CSTF3: variants seen among roughly 807,000 people sequenced by gnomAD.
CSTF3 encodes the protein cleavage stimulation factor subunit 3.
CSTF3 carries 29 observed loss-of-function variants against 105.8 expected under a neutral mutation model. That is an observed-to-expected ratio of 0.27 (90% CI 0.20 to 0.37). CSTF3 has a LOEUF of 0.37. Ranked by LOEUF, CSTF3 falls within the 10% of genes least tolerant of loss-of-function variation. The probability of loss-of-function intolerance (pLI) is 1.00; values close to 1 mark genes in which losing one functional copy is unlikely to be tolerated. For missense variants in CSTF3, 357 were observed against 879.3 expected (o/e 0.41, Z 7.51); for synonymous variants, 252 against 281.9 (o/e 0.89, Z 1.06).
chr11:33,156,398 C>T (rs528126328), intron 1 of CSTF3, among the ~76,000 whole-genome samples: 2 of 152,294 alleles, frequency 1.3e-5, no homozygotes, highest in East Asian at 1.9e-4. Context: ...GTTTACCTAA[C>T]GAAATAAACC....
At chr11:33,141,808 G>A in intron 2 of CSTF3, 46 bp from the exon 3 acceptor site, 6 of 1,575,466 alleles carry the variant, frequency 3.8e-6, no homozygotes, top group Non-Finnish European at 5.1e-6. Flanking sequence ...TTAGGATTAT[G>A]AAAATATTAT....
intron 3 of CSTF3, chr11:33,141,222 T>C (rs1287223780): frequency 1.3e-5 from 2 of 158,942 alleles, no homozygotes; most frequent in Non-Finnish European, 2.7e-5. Context: ...AAAATTAAAA[T>C]GTGAAGTAAT....
Position 33,103,117 on chromosome 11 carries a change from C to T in CSTF3, c.653G>A (p.Arg218His), listed in dbSNP as rs1855295364. ...GATGGAATTCCATACCTTTGCTACA[C>T]GTCTAGCATTCATATAATCTCTACT... ...DRSRDYMNAR[R>H]VAKEYETVMK... Residue 218 changes from arginine (R) to histidine (H), a missense_variant, in exon 9 of 21, where the codon CGT becomes CAT. This residue lies in a region of CSTF3 where 206 missense variants were observed against 576.5 expected (regional missense o/e 0.36). Transcript: ENST00000323959. 1.9e-6 allele frequency: 3 copies of T among 1,565,374 alleles called. No individual in the cohort carries two copies. Among genetic ancestry groups the T allele is most frequent in the Non-Finnish European group, 2.6e-6 (3 of 1,153,902 alleles).
intron 3 of CSTF3, among the ~76,000 whole-genome samples, chr11:33,115,803 T>C (rs1367290002): frequency 2.0e-5 from 3 of 152,196 alleles, no homozygotes; most frequent in African/African-American, 7.2e-5. Flanking sequence ...ATGCCAGGTG[T>C]AGTAGTTCAT....
chr11:33,117,606 T>A (rs1164071180), intron 3 of CSTF3, among the ~76,000 whole-genome samples: 2 of 151,848 alleles, frequency 1.3e-5, no homozygotes, highest in Admixed American at 6.6e-5. Context: ...ATTTAATAAC[T>A]TCCCCCAGAT....
In CSTF3 at chr11:33,096,850, T is replaced by C. The variant is rs1450401040; in HGVS notation, c.1257A>G (p.Glu419=). Residue 419 remains glutamate (E), a synonymous_variant, in exon 14 of 21, where the codon GAA becomes GAG. Coordinates refer to ENST00000323959, the MANE Select transcript of CSTF3 (RefSeq NM_001326.3). ...HHVYVTAALM[E]YYCSKDKSVA... is the part of the protein sequence containing the mutation. ...CAGTATTTACCTTACTACAGTAATA[T>C]TCCATGAGTGCTGCAGTAACATAGA... 3 of 1,613,140 alleles carry C rather than the reference T, an allele frequency of 1.9e-6. No individual in the cohort carries two copies. The highest frequency in any genetic ancestry group is 2.5e-6 in the Non-Finnish European group (3 of 1,179,604).
At chr11:33,144,415 T>C (rs949102759) in intron 1 of CSTF3, among the ~76,000 whole-genome samples, 2 of 152,192 alleles carry the variant, frequency 1.3e-5, no homozygotes, top group African/African-American at 4.8e-5. Flanking sequence ...TATAAGGGAC[T>C]ATTGGCTCTT....
chr11:33,144,228 C>T (rs953837012), intron 1 of CSTF3, among the ~76,000 whole-genome samples: 1 of 151,628 alleles, frequency 6.6e-6, no homozygotes, highest in Non-Finnish European at 1.5e-5. Flanking sequence ...TTTTTAATTA[C>T]CTAGGAGAAA....
At chr11:33,114,839 ACT>A (rs1423349898) in intron 3 of CSTF3, among the ~76,000 whole-genome samples, 2 of 152,006 alleles carry the variant, frequency 1.3e-5, no homozygotes, top group Non-Finnish European at 2.9e-5. Context: ...CAAGAGCGAA[ACT>A]CTGTCTCAAA....
chr11:33,134,613 T>A (rs1324334936), intron 3 of CSTF3: 3 of 152,218 alleles, frequency 2.0e-5, no homozygotes, highest in Non-Finnish European at 4.4e-5. Flanking sequence ...TAATTCTAAA[T>A]ATCATTAGTA....
chr11:33,131,269 G>T (rs953833364), intron 3 of CSTF3, among the ~76,000 whole-genome samples: 1 of 152,098 alleles, frequency 6.6e-6, no homozygotes, highest in African/African-American at 2.4e-5. Context: ...TTCTAAAAAG[G>T]TTTGCTTAAA....
intron 16 of CSTF3, 54 bp downstream of exon 16, chr11:33,092,217 C>G: frequency 1.6e-6 from 2 of 1,263,920 alleles, no homozygotes; most frequent in Non-Finnish European, 2.2e-6. Context: ...GACCACAATT[C>G]AGGTAAGAAA....
At chr11:33,157,311 T>C (rs1849879648) in intron 1 of CSTF3, among the ~76,000 whole-genome samples, 1 of 151,934 alleles carries the variant, frequency 6.6e-6, no homozygotes, top group Admixed American at 6.6e-5. Flanking sequence ...GCCGAGACCG[T>C]GCCACTGCAC....
intron 3 of CSTF3, among the ~76,000 whole-genome samples, chr11:33,123,592 CAG>C (rs1209997270): frequency 6.6e-6 from 1 of 151,666 alleles, no homozygotes; most frequent in Admixed American, 6.6e-5. Context: ...ATATATAAGA[CAG>C]GGAAAAAACT....
chr11:33,104,990 C>A (rs964431470), intron 8 of CSTF3, among the ~76,000 whole-genome samples: 38 of 152,206 alleles, frequency 2.5e-4, no homozygotes, highest in Non-Finnish European at 4.9e-4. Context: ...CTCAGGCAAT[C>A]CTTCCATCTC....
In CSTF3 at chr11:33,091,679, A is replaced by G. The variant is rs188001931; in HGVS notation, c.1445+592T>C. Among the ~76,000 whole-genome samples the G allele has an allele frequency of 2.0e-5, 3 of 152,286 alleles. No homozygotes were observed. The East Asian group carries it at 5.8e-4, about 29-fold the overall frequency. On this transcript the variant is annotated intron_variant, in intron 16 of 20. Coordinates refer to ENST00000323959, the MANE Select transcript of CSTF3 (RefSeq NM_001326.3). ...TCAGAATGCCTCTCTTAACATGTTA[A>G]TATCAATTTCTAGGGAGAGAGAGAG...
chr11:33,117,601 A>G (rs964041767), intron 3 of CSTF3, among the ~76,000 whole-genome samples: 2 of 151,948 alleles, frequency 1.3e-5, no homozygotes, highest in African/African-American at 2.4e-5. Context: ...AGGAGATTTA[A>G]TAACTTCCCC....
chr11:33,142,627 T>G (rs895850385), intron 1 of CSTF3, among the ~76,000 whole-genome samples: 1 of 152,180 alleles, frequency 6.6e-6, no homozygotes, highest in African/African-American at 2.4e-5. Context: ...CTCTTAAAAT[T>G]TAAGAACCAC....
intron 9 of CSTF3, 102 bp downstream of exon 9, chr11:33,103,005 G>T: frequency 2.7e-6 from 2 of 743,800 alleles, no homozygotes; most frequent in Non-Finnish European, 4.4e-6. Flanking sequence ...TGTTAAGATT[G>T]CTAATGACTG....
Sources: gnomAD v4.1 joint callset for allele counts (sites outside exome capture counted in the v4.1 genomes callset) on GRCh38, gnomAD v4.1.1 for gene constraint, gnomAD v4.1.1 regional missense constraint, MANE v1.5 for transcripts, NCBI Gene and HGNC (gene_info 2026-07-23, HGNC 2026-07-21) for gene names.